TNS3: variants seen among roughly 807,000 people sequenced by gnomAD.
The protein encoded by TNS3 is tensin-3.
A neutral mutation model predicts 140.9 loss-of-function variants in TNS3; 45 were observed. The observed-to-expected ratio is 0.32, with a 90% confidence interval of 0.25 to 0.41. TNS3 has a LOEUF of 0.41. Ranked by LOEUF, TNS3 falls within the 10% of genes least tolerant of loss-of-function variation. The pLI, the probability that TNS3 is intolerant of heterozygous loss-of-function variation, is 1.00. For missense variants in TNS3, 1,716 were observed against 1,906.7 expected, an observed-to-expected ratio of 0.90 and a Z score of 1.86; for synonymous variants, 815 against 788.4, an observed-to-expected ratio of 1.03 and a Z score of -0.56.
chr7:47,577,314 C>T (rs62446522), intron 1 of TNS3, among the ~76,000 whole-genome samples: 1 of 152,160 alleles, frequency 6.6e-6, no homozygotes, highest in Admixed American at 6.5e-5. Context: ...TATCTTTCCC[C>T]AAAAGAGAAG....
At chr7:47,531,278 G>T (rs1799396068) in intron 1 of TNS3, among the ~76,000 whole-genome samples, 1 of 151,784 alleles carries the variant, frequency 6.6e-6, no homozygotes, top group Non-Finnish European at 1.5e-5. Flanking sequence ...AAACAAAATA[G>T]AATAAAACAA....
At chr7:47,297,513 C>A (rs76024492) in intron 23 of TNS3, among the ~76,000 whole-genome samples, 100 of 152,272 alleles carry the variant, frequency 6.6e-4, no homozygotes, top group African/African-American at 2.3e-3. Context: ...GTCCTGTGGG[C>A]TGCCCATGGA....
At chr7:47,428,572 C>T (rs1036978732) in intron 8 of TNS3, among the ~76,000 whole-genome samples, 196 bp from the exon 9 acceptor site, 7 of 152,194 alleles carry the variant, frequency 4.6e-5, no homozygotes, top group East Asian at 1.9e-4. Flanking sequence ...GGAACCCGCA[C>T]GCTGGGTGCA....
Position 47,368,946 on chromosome 7 carries a change from A to T in TNS3, c.1700T>A (p.Leu567Gln). Residue 567 changes from leucine to glutamine, a missense_variant, in exon 17 of 31, where the codon CTG becomes CAG. Leu to Gln is a moderately radical substitution (Grantham distance 113). Coordinates refer to ENST00000311160, the MANE Select transcript of TNS3 (RefSeq NM_022748.12). ...CTGGGCGGACACTGAGGGCTTTCTC[A>T]GCAGGGGCTGGGGCTGCTTGGGCTC... The part of the protein sequence containing the change: ...SREPKQPQPL[L>Q]RKPSVSAQMQ... The T allele has an allele frequency of 2.5e-6, 4 of 1,613,668 alleles. No homozygotes were observed. Among genetic ancestry groups the T allele is most frequent in the Non-Finnish European group, 3.4e-6 (4 of 1,179,830 alleles).
At chr7:47,327,689 C>T (rs1042185189) in intron 20 of TNS3, among the ~76,000 whole-genome samples, 2 of 152,220 alleles carry the variant, frequency 1.3e-5, no homozygotes, top group Non-Finnish European at 2.9e-5. Flanking sequence ...GCCCTCCAGG[C>T]TCAAGGGCTG....
intron 17 of TNS3, among the ~76,000 whole-genome samples, chr7:47,349,119 T>TTGAA (rs1180200753): frequency 1.3e-5 from 2 of 152,188 alleles, no homozygotes; most frequent in Non-Finnish European, 2.9e-5. Flanking sequence ...AATGTTCCTG[T>TTGAA]TGAACACATG....
intron 15 of TNS3, among the ~76,000 whole-genome samples, chr7:47,397,598 T>C (rs1042337985): frequency 1.3e-5 from 2 of 152,228 alleles, no homozygotes; most frequent in East Asian, 1.9e-4. Flanking sequence ...GGGTTAATGA[T>C]GAAATCATGA....
chr7:47,477,735 C>T (rs963987922), intron 4 of TNS3, among the ~76,000 whole-genome samples: 5 of 152,162 alleles, frequency 3.3e-5, no homozygotes, highest in Non-Finnish European at 7.4e-5. Flanking sequence ...ATCCAAAATG[C>T]CAAGGATCAC....
At chr7:47,468,570 T>C (rs1489688486) in intron 4 of TNS3, among the ~76,000 whole-genome samples, 1 of 152,232 alleles carries the variant, frequency 6.6e-6, no homozygotes, top group East Asian at 1.9e-4. Context: ...GCGTGACTAC[T>C]GCTGAAAGAA....
intron 20 of TNS3, among the ~76,000 whole-genome samples, chr7:47,313,509 C>A (rs1195906078): frequency 1.3e-5 from 2 of 152,164 alleles, no homozygotes; most frequent in Non-Finnish European, 2.9e-5. Context: ...GTTTAATATG[C>A]CCACCTTATG....
At chr7:47,500,082 AACACACACAC>A (rs746427298) in intron 3 of TNS3, among the ~76,000 whole-genome samples, 37 of 152,032 alleles carry the variant, frequency 2.4e-4, no homozygotes, top group Admixed American at 6.6e-4. Flanking sequence ...CAAACATTAA[AACACACACAC>A]ACACGCACAC....
chr7:47,530,681 C>T (rs546429538), intron 1 of TNS3, among the ~76,000 whole-genome samples: 5 of 150,764 alleles, frequency 3.3e-5, no homozygotes, highest in African/African-American at 7.3e-5. Context: ...AAAAATTAGC[C>T]GGGCATGGTG....
At chr7:47,409,264 T>G (rs1221052259) in intron 13 of TNS3, among the ~76,000 whole-genome samples, 1 of 151,430 alleles carries the variant, frequency 6.6e-6, no homozygotes. Context: ...CCCAGGAGAC[T>G]GCCCCCGCCC....
In TNS3 at chr7:47,500,144, C is replaced by T. The variant is rs117210462; in HGVS notation, c.-115+6763G>A. On this transcript the variant is annotated intron_variant, in intron 3 of 30. Coordinates refer to ENST00000311160, the MANE Select transcript of TNS3 (RefSeq NM_022748.12). Reference sequence around the variant, plus strand: ...AACATAGGTGGAGACCTGCAATCATCTGGCAGAATCAGACTCTCATTTCGT... The same window carrying T: ...AACATAGGTGGAGACCTGCAATCATTTGGCAGAATCAGACTCTCATTTCGT... Among the ~76,000 whole-genome samples, 1,520 of 152,324 alleles carry T rather than the reference C, an allele frequency of 1.0e-2. 7 individuals carry two copies. The highest frequency in any genetic ancestry group is 0.017 in the Middle Eastern group (5 of 294).
chr7:47,411,696 C>T lies in TNS3; in HGVS notation c.723+31G>A, dbSNP rs749626058. On this transcript the variant is annotated intron_variant, in intron 13 of 30. Coordinates refer to ENST00000311160, the MANE Select transcript of TNS3 (RefSeq NM_022748.12). ...ATCACCACTGGGAGAGTGGGGACAC[C>T]AACCCATCTGCGGCCACAGCGGGCA... 1.2e-5 allele frequency: 19 copies of T among 1,590,802 alleles called. No individual in the cohort carries two copies. The highest frequency in any genetic ancestry group is 5.4e-5 in the African/African-American group (4 of 74,248).
At chr7:47,557,055 G>A in intron 1 of TNS3, 1 of 456,786 alleles carries the variant, frequency 2.2e-6, no homozygotes, top group Non-Finnish European at 4.4e-6. Flanking sequence ...GGTGTGCAGG[G>A]TGCCTAGTCC....
intron 20 of TNS3, among the ~76,000 whole-genome samples, chr7:47,331,588 T>G (rs1335627522): frequency 6.6e-6 from 1 of 152,196 alleles, no homozygotes; most frequent in Non-Finnish European, 1.5e-5. Context: ...CATCGCACAC[T>G]TGGTTGGCCC....
chr7:47,474,850 C>CAAAAA (rs1414559893), intron 4 of TNS3, among the ~76,000 whole-genome samples: 1 of 147,560 alleles, frequency 6.8e-6, no homozygotes, highest in East Asian at 2.0e-4. Context: ...ACCTCACACA[C>CAAAAA]AAAACACCTC....
At position 47,501,319 on chromosome 7, in the gene TNS3, C is replaced by A. The variant is rs981790503; in HGVS notation, c.-115+5588G>T. On this transcript the variant is annotated intron_variant, in intron 3 of 30. Transcript: ENST00000311160. ...CCATATGAAGAAAGGCCACTACTTA[C>A]ACCTTTTGGGGAGGTCAAAGCTGAC... 3.3e-5 allele frequency among the ~76,000 whole-genome samples: 5 copies of A among 152,186 alleles called. No individual in the cohort carries two copies. In the South Asian group the frequency reaches 1.0e-3, roughly 32 times the overall value.
Sources: gnomAD v4.1 joint callset for allele counts (sites outside exome capture counted in the v4.1 genomes callset) on GRCh38, gnomAD v4.1.1 for gene constraint, MANE v1.5 for transcripts, NCBI Gene and HGNC (gene_info 2026-07-23, HGNC 2026-07-21) for gene names.